The following DYSF variants were observed in gnomAD, a reference collection of about 807,000 sequenced individuals.
DYSF encodes the protein dysferlin, also known as dystrophy-associated fer-1-like 1.
A neutral mutation model predicts 274.9 loss-of-function variants in DYSF; 212 were observed. The ratio of observed to expected loss-of-function variants is 0.77; its 90% confidence interval spans 0.69 to 0.86. The LOEUF is 0.86. DYSF is among the 40% of genes least tolerant of loss of function. The probability of loss-of-function intolerance (pLI) is 0.00; values close to 1 mark genes in which losing one functional copy is unlikely to be tolerated. For synonymous variants in DYSF, 1,091 were observed against 1,078.7 expected (o/e 1.01, Z -0.22); for missense variants, 2,666 against 2,783.2 (o/e 0.96, Z 0.95).
In DYSF at chr2:71,615,745, C is replaced by T. The variant is rs1443934901; in HGVS notation, c.4464+2335C>T. On this transcript the variant is annotated intron_variant, in intron 40 of 55. Coordinates refer to ENST00000410020, the MANE Select transcript of DYSF (RefSeq NM_001130987.2). The surrounding 1 kb of genome is among the most constrained non-coding windows in gnomAD (Gnocchi z 4.9). Reference sequence around the variant, plus strand: ...AGATAACTATGGCTGGGCTTTCTTCCTCTCCCTCCTTCCCCAGTGCAGATA... The same window carrying T: ...AGATAACTATGGCTGGGCTTTCTTCTTCTCCCTCCTTCCCCAGTGCAGATA... Among the ~76,000 whole-genome samples, 2 of 152,190 alleles carry T rather than the reference C, an allele frequency of 1.3e-5. No individual in the cohort carries two copies. The highest frequency in any genetic ancestry group is 2.9e-5 in the Non-Finnish European group (2 of 68,024).
chr2:71,589,771 T>C (rs1260112650), intron 31 of DYSF, 85 bp downstream of exon 31: 2 of 1,313,420 alleles, frequency 1.5e-6, no homozygotes, highest in Non-Finnish European at 2.2e-6. Context: ...CGATCAGATG[T>C]GTATGTGGGG....
At position 71,564,142 on chromosome 2, in the gene DYSF, G is replaced by A; in HGVS notation, c.2494G>A (p.Val832Ile). 1 of 1,614,288 alleles carries A rather than the reference G, an allele frequency of 6.2e-7. No homozygotes were observed. The highest frequency in any genetic ancestry group is 8.5e-7 in the Non-Finnish European group (1 of 1,180,050). ...VAYQRVPAHQVLFSRRGANYC... is the reference protein window; with the variant it reads ...VAYQRVPAHQILFSRRGANYC... ...ATACCAGCGGGTGCCCGCCCACCAA[G>A]TCCTCTTCTCCCGGCGGGGTGCCAA... is the stretch of plus-strand genomic sequence containing the variant. Residue 832 changes from valine (V) to isoleucine (I), a missense_variant, in exon 24 of 56, where the codon GTC becomes ATC. Val to Ile is a conservative substitution (Grantham distance 29). This residue lies in a region of DYSF where 412 missense variants were observed against 504.0 expected (regional missense o/e 0.82). Transcript: ENST00000410020.
chr2:71,663,043 G>GTGTGTGTGTGTGTGTGCA (rs1558764086), intron 45 of DYSF, among the ~76,000 whole-genome samples: 3 of 149,394 alleles, frequency 2.0e-5, no homozygotes, highest in Admixed American at 6.7e-5. Flanking sequence ...GTGTGTGTGC[G>GTGTGTGTGTGTGTGTGCA]CGCACGCGCG....
intron 40 of DYSF, among the ~76,000 whole-genome samples, chr2:71,618,596 GTAGA>G (rs2094001810): frequency 5.2e-5 from 3 of 57,240 alleles, no homozygotes; most frequent in Non-Finnish European, 9.6e-5. Context: ...TGTGTGTGTG[GTAGA>G]GGTGGTGGGT....
chr2:71,473,880 T>G (rs967451970), intron 1 of DYSF, among the ~76,000 whole-genome samples: 10 of 148,744 alleles, frequency 6.7e-5, no homozygotes, highest in African/African-American at 2.2e-4. Context: ...TTCCCCTCCC[T>G]CACCGCCCCT....
chr2:71,617,820 T>G, intron 40 of DYSF, among the ~76,000 whole-genome samples: 2 of 82,834 alleles, frequency 2.4e-5, no homozygotes, highest in African/African-American at 9.5e-5. Context: ...GTGTGTGTGG[T>G]AGAGGTGGGG....
At chr2:71,572,765 G>A (rs565095675) in intron 29 of DYSF, among the ~76,000 whole-genome samples, 1 of 152,232 alleles carries the variant, frequency 6.6e-6, no homozygotes, top group Non-Finnish European at 1.5e-5. Context: ...TTAGCATGGG[G>A]GTTCCCTGGA....
intron 1 of DYSF, among the ~76,000 whole-genome samples, chr2:71,460,938 GAAAAAAAA>G (rs61178408): frequency 1.6e-5 from 2 of 126,246 alleles, no homozygotes; most frequent in South Asian, 2.6e-4. Flanking sequence ...TGATAGACAG[GAAAAAAAA>G]AAAAAAAAGA....
Position 71,498,423 on chromosome 2 carries a change from G to A in DYSF, c.240-4791G>A, listed in dbSNP as rs111323532. On this transcript the variant is annotated intron_variant, in intron 3 of 55. Transcript: ENST00000410020. ...TCCTCTAGCCATGAGTCAATTCCTG[G>A]GTGGGGACCACATGACCAGATGAGC... is the stretch of plus-strand genomic sequence containing the variant. Among the ~76,000 whole-genome samples, 1,350 of 152,282 alleles carry A rather than the reference G, an allele frequency of 8.9e-3. 8 individuals are homozygous for A. The highest frequency in any genetic ancestry group is 0.041 in the Middle Eastern group (12 of 292).
At chr2:71,519,483 C>G (rs1274433355) in intron 10 of DYSF, among the ~76,000 whole-genome samples, 2 of 152,108 alleles carry the variant, frequency 1.3e-5, no homozygotes, top group African/African-American at 2.4e-5. Flanking sequence ...CTCCCTGCCC[C>G]CTGCCCCTGC....
intron 16 of DYSF, among the ~76,000 whole-genome samples, chr2:71,538,179 C>G (rs757092460): frequency 6.6e-6 from 1 of 152,158 alleles, no homozygotes; most frequent in Non-Finnish European, 1.5e-5. Flanking sequence ...CTGGTAGTGC[C>G]GATGTGAGAA....
chr2:71,569,679 C>A, intron 26 of DYSF, 141 bp from the exon 27 acceptor site: 1 of 731,886 alleles, frequency 1.4e-6, no homozygotes, highest in East Asian at 2.7e-5. Context: ...GTCTCTTGCA[C>A]CCTTCCCTCC....
At chr2:71,648,522 A>G (rs1323696738) in intron 42 of DYSF, among the ~76,000 whole-genome samples, 2 of 137,358 alleles carry the variant, frequency 1.5e-5, no homozygotes, top group East Asian at 4.2e-4. Context: ...GGAGTCTCCA[A>G]GGAAGACAAC....
At chr2:71,629,834 T>C (rs1463619428) in intron 41 of DYSF, among the ~76,000 whole-genome samples, 1 of 152,258 alleles carries the variant, frequency 6.6e-6, no homozygotes, top group Non-Finnish European at 1.5e-5. Context: ...GTCATTTTGC[T>C]GGAAATCAAT....
At chr2:71,476,899 G>T (rs961710057) in intron 1 of DYSF, among the ~76,000 whole-genome samples, 4 of 151,342 alleles carry the variant, frequency 2.6e-5, no homozygotes, top group African/African-American at 9.7e-5. Context: ...TTTGACCTGG[G>T]CATTGGGCAG....
rs905803273 is a variant in DYSF at position 71,539,297 on chromosome 2, T to A, written c.1576+58T>A. ...CCTGTGCTCTCCCCCGTACCCCCTCTATCCAGCTTACACTTCTAGTTTTGA... is the reference window on the plus strand; with the variant it reads ...CCTGTGCTCTCCCCCGTACCCCCTCAATCCAGCTTACACTTCTAGTTTTGA... On this transcript the variant is annotated intron_variant, in intron 17 of 55. Transcript: ENST00000410020. The A allele has an allele frequency of 2.1e-6, 3 of 1,446,854 alleles. No homozygotes were observed. In the African/African-American group the frequency reaches 4.2e-5, roughly 20 times the overall value. 89.6% of individuals were successfully genotyped at this position (1,446,854 alleles called of 1,614,324 possible).
chr2:71,574,974 G>A (rs928322111), intron 30 of DYSF, among the ~76,000 whole-genome samples: 2 of 152,264 alleles, frequency 1.3e-5, no homozygotes, highest in African/African-American at 2.4e-5. Flanking sequence ...GCGAGCACTC[G>A]GTACTGGCAC....
intron 1 of DYSF, among the ~76,000 whole-genome samples, chr2:71,460,892 G>C (rs1310681690): frequency 4.6e-5 from 7 of 151,000 alleles, no homozygotes; most frequent in African/African-American, 1.7e-4. Context: ...GTAGGGTGGG[G>C]TATGATAGGG....
chr2:71,459,796 C>A (rs2081211243), intron 1 of DYSF, among the ~76,000 whole-genome samples: 1 of 152,152 alleles, frequency 6.6e-6, no homozygotes, highest in Non-Finnish European at 1.5e-5. Context: ...TGTCCTCTCC[C>A]TTGGGCTCAT....
Sources: allele counts gnomAD v4.1 joint callset (sites outside exome capture counted in the v4.1 genomes callset), GRCh38; gene constraint gnomAD v4.1.1; regional missense constraint gnomAD v4.1.1; non-coding constraint Gnocchi (gnomAD v3.1); transcripts MANE v1.5; gene names NCBI Gene and HGNC (gene_info 2026-07-23, HGNC 2026-07-21).